VPS13A: variants seen among roughly 807,000 people sequenced by gnomAD.
The protein encoded by VPS13A is intermembrane lipid transfer protein VPS13A.
A neutral mutation model predicts 390.9 loss-of-function variants in VPS13A; 264 were observed. The ratio of observed to expected loss-of-function variants is 0.68; its 90% CI spans 0.61 to 0.75. VPS13A has a LOEUF of 0.75. VPS13A is among the 30% of genes least tolerant of loss of function. VPS13A has a pLI of 0.00. For synonymous variants in VPS13A, 1,231 were observed against 1,227.1 expected, an observed-to-expected ratio of 1.00 and a Z score of -0.07; for missense variants, 3,409 against 3,733.9, an observed-to-expected ratio of 0.91 and a Z score of 2.27.
rs776822669 is a variant in VPS13A at position 77,415,995 on chromosome 9, C to A, written c.9514C>A (p.Pro3172Thr). 36 of 1,613,380 alleles carry A rather than the reference C, an allele frequency of 2.2e-5. No homozygotes were observed. Among genetic ancestry groups the A allele is most frequent in the Non-Finnish European group, 2.7e-5 (32 of 1,179,554 alleles). Residue 3172 changes from proline (P) to threonine (T), a missense_variant, in exon 72 of 72, where the codon CCG becomes ACG. By Grantham distance (38) the Pro-to-Thr change is conservative. This residue lies in a region of VPS13A where 318 missense variants were observed against 333.7 expected (regional missense o/e 0.95). Coordinates refer to ENST00000360280, the MANE Select transcript of VPS13A (RefSeq NM_033305.3). ...GCTACAAGAAGCAAGAGAACCTTCT[C>A]CGAGCCTCTGACAGAGAACACTGCC... is the stretch of plus-strand genomic sequence containing the variant. ...TKLQEAREPS[P>T]SL
Position 77,321,840 on chromosome 9 carries a change from TTTTTTG to T in VPS13A, c.5830+112_5830+117del, listed in dbSNP as rs200975587. 9.6e-3 allele frequency: 14,291 copies of T among 1,483,184 alleles called. 108 individuals are homozygous for T. Among genetic ancestry groups the T allele is most frequent in the South Asian group, 0.013 (1,007 of 80,046 alleles). The allele number at this position is 1,483,184 out of a possible 1,614,324, so 91.9% of individuals were successfully genotyped here. ...TCTTTTGTAGAATCTTAGCAAGGTTTTTTTTGTTTTTGTTTTTGTTTTTTTAAAATA... is the reference window on the plus strand; with the variant it reads ...TCTTTTGTAGAATCTTAGCAAGGTTTTTTTTGTTTTTGTTTTTTTAAAATA... On this transcript the variant is annotated intron_variant, in intron 44 of 71. Transcript: ENST00000360280.
chr9:77,219,416 A>C (rs1823055111), intron 10 of VPS13A, among the ~76,000 whole-genome samples: 1 of 152,122 alleles, frequency 6.6e-6, no homozygotes, highest in Admixed American at 6.6e-5. Flanking sequence ...TTGGCACCAA[A>C]CACAAAGAGT....
chr9:77,280,068 T>G, intron 26 of VPS13A, 91 bp from the exon 27 acceptor site: 1 of 979,936 alleles, frequency 1.0e-6, no homozygotes, highest in Non-Finnish European at 1.5e-6. Context: ...AGGAAAGCCT[T>G]CTTTTGCAAT....
intron 53 of VPS13A, 100 bp downstream of exon 53, chr9:77,351,546 A>T (rs992387705): frequency 6.9e-7 from 1 of 1,454,208 alleles, no homozygotes; most frequent in African/African-American, 1.4e-5. Context: ...CACTTTTGGG[A>T]GGCTGAGGTG....
At chr9:77,410,074 C>T (rs1466092598) in intron 71 of VPS13A, among the ~76,000 whole-genome samples, 23 of 152,088 alleles carry the variant, frequency 1.5e-4, no homozygotes, top group Admixed American at 1.5e-3. Context: ...AAAGGGAAGC[C>T]CATCAGACTA....
chr9:77,305,405 CAG>C (rs1828678563), intron 34 of VPS13A, among the ~76,000 whole-genome samples: 3 of 152,116 alleles, frequency 2.0e-5, no homozygotes, highest in Admixed American at 2.0e-4. Context: ...GGTAAGATAA[CAG>C]ATAGAAACTC....
Position 77,234,479 on chromosome 9 carries a change from C to T in VPS13A, c.1596-3523C>T, listed in dbSNP as rs888157099. Among the ~76,000 whole-genome samples, 7 of 152,146 alleles carry T rather than the reference C, an allele frequency of 4.6e-5. No homozygotes were observed. In the East Asian group the frequency reaches 9.6e-4, roughly 21 times the overall value. On this transcript the variant is annotated intron_variant, in intron 17 of 71. Transcript: ENST00000360280. ...AATGAGTCTCTTTTAGGCAGTATGCCTATGGTCCCTGACTTAGGCTAAGTA... is the reference window on the plus strand; with the variant it reads ...AATGAGTCTCTTTTAGGCAGTATGCTTATGGTCCCTGACTTAGGCTAAGTA...
At chr9:77,184,958 A>G (rs1389528464) in intron 1 of VPS13A, among the ~76,000 whole-genome samples, 1 of 152,010 alleles carries the variant, frequency 6.6e-6, no homozygotes, top group Non-Finnish European at 1.5e-5. Flanking sequence ...ACTGTTAAAT[A>G]TAAGTATTTC....
intron 23 of VPS13A, among the ~76,000 whole-genome samples, chr9:77,262,379 CT>C (rs1269090635): frequency 6.6e-6 from 1 of 151,958 alleles, no homozygotes; most frequent in African/African-American, 2.4e-5. Flanking sequence ...TGTTTAAATG[CT>C]TTTCTTTTGA....
intron 34 of VPS13A, among the ~76,000 whole-genome samples, chr9:77,307,687 A>G (rs1244087668): frequency 6.6e-6 from 1 of 152,204 alleles, no homozygotes; most frequent in Non-Finnish European, 1.5e-5. Context: ...TTACTATATT[A>G]TTTGGTACAT....
chr9:77,415,167 A>G (rs909801024), intron 71 of VPS13A, among the ~76,000 whole-genome samples: 2 of 152,252 alleles, frequency 1.3e-5, no homozygotes, highest in African/African-American at 4.8e-5. Flanking sequence ...ACTGAAGGAC[A>G]GTACCACCTG....
intron 15 of VPS13A, 125 bp downstream of exon 15, chr9:77,226,723 A>G (rs1175639915): frequency 2.6e-6 from 2 of 779,108 alleles, no homozygotes; most frequent in Admixed American, 3.7e-5. Context: ...TAAAGTTATT[A>G]CAAATAAAAC....
Position 77,368,061 on chromosome 9 carries a change from AT to A in VPS13A, c.8484del (p.Phe2828LeufsTer18). 2 of 1,611,722 alleles carry A rather than the reference AT, an allele frequency of 1.2e-6. No individual in the cohort carries two copies. Among genetic ancestry groups the A allele is most frequent in the Non-Finnish European group, 1.7e-6 (2 of 1,179,204 alleles). Reference sequence around the variant, plus strand: ...ATTTTTACGCTTTTTTCAGGCTTGCATTTTTTGAACTCAACTATCAGTTCCA... The same window carrying A: ...ATTTTTACGCTTTTTTCAGGCTTGCATTTTTGAACTCAACTATCAGTTCCA... ...DVQDVVFKLAFFELNYQFHTT... is the reference protein window; with the variant it reads ...DVQDVVFKLAXFELNYQFHTT... On this transcript the variant is annotated frameshift_variant, in exon 62 of 72. Transcript: ENST00000360280. LOFTEE classifies it high-confidence loss of function.
chr9:77,238,438 C>A (rs764345458), intron 19 of VPS13A, 52 bp downstream of exon 19: 13 of 1,305,202 alleles, frequency 1.0e-5, no homozygotes, highest in Admixed American at 1.7e-5. Flanking sequence ...CTATATTAAA[C>A]TTTTATTTAT....
intron 68 of VPS13A, among the ~76,000 whole-genome samples, chr9:77,385,579 T>C (rs1278631151): frequency 1.3e-5 from 2 of 152,044 alleles, no homozygotes; most frequent in African/African-American, 4.8e-5. Context: ...TTTTGTGTAA[T>C]AAAGGTTTTT....
rs147954757 is a variant in VPS13A at position 77,228,197 on chromosome 9, C to T, written c.1528C>T (p.Leu510=). The change falls in exon 17 of 72, where the codon CTG becomes TTG. Residue 510 remains leucine, a synonymous_variant. Transcript: ENST00000360280. ...AAGAGAAAATCATCAAAAACCTGAG[C>T]TGGTAGATATTGTAATAGAAGAATT... The part of the protein sequence containing the change: ...VLRENHQKPE[L]VDIVIEEFST... The T allele has an allele frequency of 3.7e-4, 600 of 1,603,474 alleles. No homozygotes were observed. The highest frequency in any genetic ancestry group is 4.8e-4 in the Non-Finnish European group (563 of 1,174,550).
chr9:77,207,508 T>G (rs1402494515), intron 5 of VPS13A, among the ~76,000 whole-genome samples: 1 of 151,328 alleles, frequency 6.6e-6, no homozygotes, highest in Non-Finnish European at 1.5e-5. Context: ...TCATTGTTAA[T>G]AGTATCATGG....
At chr9:77,264,339 A>G (rs985887219) in intron 23 of VPS13A, among the ~76,000 whole-genome samples, 2 of 152,150 alleles carry the variant, frequency 1.3e-5, no homozygotes, top group African/African-American at 2.4e-5. Flanking sequence ...AAGAAAGTCA[A>G]TGATAACTTA....
chr9:77,183,680 TA>T (rs1416045562), intron 1 of VPS13A, among the ~76,000 whole-genome samples: 1 of 152,218 alleles, frequency 6.6e-6, no homozygotes, highest in East Asian at 1.9e-4. Context: ...GGCAATTTCT[TA>T]AAAAGTTAAA....
Sources: allele counts gnomAD v4.1 joint callset (sites outside exome capture counted in the v4.1 genomes callset), GRCh38; gene constraint gnomAD v4.1.1; regional missense constraint gnomAD v4.1.1; transcripts MANE v1.5; gene names NCBI Gene and HGNC (gene_info 2026-07-23, HGNC 2026-07-21).